Variants in PPP2R3A observed in about 807,000 individuals in gnomAD.
PPP2R3A encodes the protein protein phosphatase 2 regulatory subunit B''alpha.
In PPP2R3A, 80 loss-of-function variants were observed where a neutral mutation model predicts 106.9. That is an observed-to-expected ratio of 0.75 (90% CI 0.62 to 0.90). The LOEUF is 0.90. Ranked by LOEUF, PPP2R3A falls within the 40% of genes least tolerant of loss-of-function variation. The pLI, the probability that PPP2R3A is intolerant of heterozygous loss-of-function variation, is 0.00. For synonymous variants in PPP2R3A, 483 were observed against 468.3 expected, an observed-to-expected ratio of 1.03 and a Z score of -0.41; for missense variants, 1,386 against 1,350.4, an observed-to-expected ratio of 1.03 and a Z score of -0.41.
intron 10 of PPP2R3A, among the ~76,000 whole-genome samples, chr3:136,100,558 C>T (rs1937334890): frequency 1.3e-5 from 2 of 151,394 alleles, no homozygotes; most frequent in Admixed American, 6.6e-5. Flanking sequence ...AGGCACCTGT[C>T]ATCCCAGCTA....
chr3:136,026,987 A>T lies in PPP2R3A; in HGVS notation c.2151A>T (p.Gly717=). The T allele has an allele frequency of 6.2e-7, 1 of 1,612,848 alleles. No individual in the cohort carries two copies. Among genetic ancestry groups the T allele is most frequent in the Non-Finnish European group, 8.5e-7 (1 of 1,178,976 alleles). The change falls in exon 3 of 14, where the codon GGA becomes GGT. Residue 717 remains glycine, a synonymous_variant. Transcript: ENST00000264977. ...TTCCACGGTTCTACTTTCCTGAAGGACTCCCAGATACCTGTAGTAATCATG... is the reference window on the plus strand; with the variant it reads ...TTCCACGGTTCTACTTTCCTGAAGGTCTCCCAGATACCTGTAGTAATCATG... The part of the protein sequence containing the change: ...INIPRFYFPE[G]LPDTCSNHEQ...
intron 13 of PPP2R3A, among the ~76,000 whole-genome samples, chr3:136,117,200 A>G (rs1937799854): frequency 1.3e-5 from 2 of 152,246 alleles, no homozygotes. Flanking sequence ...GAGAACAAAG[A>G]CACAAAGTAC....
chr3:136,127,834 C>A (rs1355525234), intron 13 of PPP2R3A, among the ~76,000 whole-genome samples: 12 of 152,126 alleles, frequency 7.9e-5, no homozygotes, highest in Admixed American at 2.6e-4. Flanking sequence ...ACACTACAAG[C>A]CAGAAGAGAG....
intron 4 of PPP2R3A, among the ~76,000 whole-genome samples, chr3:136,048,305 G>T (rs535178205): frequency 6.6e-6 from 1 of 152,140 alleles, no homozygotes; most frequent in South Asian, 2.1e-4. Context: ...AACCACAAGT[G>T]CAGGAATGGT....
At chr3:136,073,412 T>A (rs1383976341) in intron 6 of PPP2R3A, among the ~76,000 whole-genome samples, 2 of 152,254 alleles carry the variant, frequency 1.3e-5, no homozygotes, top group Admixed American at 1.3e-4. Flanking sequence ...GTACAGTTAA[T>A]TATCTCTGCT....
chr3:136,063,980 C>T (rs573379452), intron 5 of PPP2R3A, among the ~76,000 whole-genome samples: 308 of 150,612 alleles, frequency 2.0e-3, no homozygotes, highest in African/African-American at 7.1e-3. Context: ...ATGTTTATTG[C>T]GGCACTATTC....
At chr3:135,978,786 T>C (rs1937491328) in intron 1 of PPP2R3A, among the ~76,000 whole-genome samples, 1 of 151,882 alleles carries the variant, frequency 6.6e-6, no homozygotes, top group African/African-American at 2.4e-5. Flanking sequence ...TTGGATGCTA[T>C]AATACAAATT....
chr3:136,126,672 G>GACA (rs1938193357), intron 13 of PPP2R3A, among the ~76,000 whole-genome samples: 1 of 152,220 alleles, frequency 6.6e-6, no homozygotes, highest in African/African-American at 2.4e-5. Context: ...TCTAAGAATG[G>GACA]ACAGACTGCC....
intron 3 of PPP2R3A, among the ~76,000 whole-genome samples, chr3:136,037,904 C>G (rs1935141435): frequency 6.6e-6 from 1 of 151,904 alleles, no homozygotes; most frequent in Admixed American, 6.6e-5. Context: ...TTTTCTGTAT[C>G]TCTGTGTATA....
chr3:136,088,334 G>A (rs1352174048), intron 9 of PPP2R3A, among the ~76,000 whole-genome samples: 2 of 152,206 alleles, frequency 1.3e-5, no homozygotes, highest in Non-Finnish European at 2.9e-5. Flanking sequence ...CCACTTACAA[G>A]TGAGAACATA....
chr3:136,023,129 C>T (rs1261969511), intron 2 of PPP2R3A: 2 of 1,613,492 alleles, frequency 1.2e-6, no homozygotes, highest in African/African-American at 2.7e-5. Context: ...AGCTAGCTTT[C>T]CTGGCAAGGG....
At chr3:136,019,234 G>A (rs533016614) in intron 2 of PPP2R3A, among the ~76,000 whole-genome samples, 1 of 152,310 alleles carries the variant, frequency 6.6e-6, no homozygotes, top group Admixed American at 6.5e-5. Flanking sequence ...GGGAGCAGGA[G>A]AAAATATTTT....
chr3:136,102,072 A>C lies in PPP2R3A; in HGVS notation c.2993A>C (p.Glu998Ala), dbSNP rs1443410436. The C allele has an allele frequency of 6.2e-7, 1 of 1,614,092 alleles. No homozygotes were observed. Residue 998 changes from glutamate to alanine, a missense_variant, in exon 11 of 14, where the codon GAG becomes GCG. By Grantham distance (107) the Glu-to-Ala change is moderately radical. Coordinates refer to ENST00000264977, the MANE Select transcript of PPP2R3A (RefSeq NM_002718.5). ...GDGVLSMYEL[E>A]YFYEEQCERM... ...GGTGTACTCTCCATGTATGAGCTGG[A>C]GTACTTCTATGAGGAGCAGTGTGAA...
intron 4 of PPP2R3A, among the ~76,000 whole-genome samples, chr3:136,045,717 C>T (rs553306875): frequency 6.6e-6 from 1 of 152,280 alleles, no homozygotes; most frequent in East Asian, 1.9e-4. Flanking sequence ...GATCCCTCAC[C>T]CTTGACCTAC....
At position 136,046,933 on chromosome 3, in the gene PPP2R3A, A is replaced by G. The variant is rs1352432402; in HGVS notation, c.2367-2326A>G. On this transcript the variant is annotated intron_variant, in intron 4 of 13. Coordinates refer to ENST00000264977, the MANE Select transcript of PPP2R3A (RefSeq NM_002718.5). ...AACTTCTAGAATTGAAAAATTTACT[A>G]CGGGAATTCCATAATACAACTAGAA... Among the ~76,000 whole-genome samples, 4 of 152,216 alleles carry G rather than the reference A, an allele frequency of 2.6e-5. No homozygotes were observed. In the South Asian group the frequency reaches 6.2e-4, roughly 24 times the overall value.
At chr3:136,080,085 TTTG>T (rs765558713) in intron 7 of PPP2R3A, among the ~76,000 whole-genome samples, 3 of 152,214 alleles carry the variant, frequency 2.0e-5, no homozygotes, top group Non-Finnish European at 4.4e-5. Flanking sequence ...AGTATATAGT[TTTG>T]TTTTGTATGG....
At chr3:136,022,501 A>C (rs751162399) in intron 2 of PPP2R3A, among the ~76,000 whole-genome samples, 1 of 152,136 alleles carries the variant, frequency 6.6e-6, no homozygotes, top group Non-Finnish European at 1.5e-5. Flanking sequence ...AACTATTCTT[A>C]ATAGTTTCAA....
At chr3:136,025,886 A>G (rs1453763670) in intron 2 of PPP2R3A, among the ~76,000 whole-genome samples, 1 of 152,086 alleles carries the variant, frequency 6.6e-6, no homozygotes, top group Non-Finnish European at 1.5e-5. Flanking sequence ...GAAAATCCTC[A>G]TGGAATCTTT....
intron 8 of PPP2R3A, among the ~76,000 whole-genome samples, chr3:136,083,846 G>A (rs1304405606): frequency 6.6e-6 from 1 of 152,216 alleles, no homozygotes; most frequent in South Asian, 2.1e-4. Flanking sequence ...GCTATGCAAA[G>A]AGACTTGGCA....
Sources: allele counts gnomAD v4.1 joint callset (sites outside exome capture counted in the v4.1 genomes callset), GRCh38; gene constraint gnomAD v4.1.1; transcripts MANE v1.5; gene names NCBI Gene and HGNC (gene_info 2026-07-23, HGNC 2026-07-21).